CCDC152: variants seen among roughly 807,000 people sequenced by gnomAD.
The protein encoded by CCDC152 is coiled-coil domain containing 152.
A neutral mutation model predicts 38.1 loss-of-function variants in CCDC152; 37 were observed. That is an observed-to-expected ratio of 0.97 (90% CI 0.75 to 1.28). The LOEUF (loss-of-function observed/expected upper bound fraction) is 1.28, where lower values mean the gene tolerates loss of function less well. Among genes scored for constraint, CCDC152 ranks in the 50% most tolerant of loss-of-function variants. The pLI, the probability that CCDC152 is intolerant of heterozygous loss-of-function variation, is 0.00. For synonymous variants in CCDC152, 83 were observed against 87.1 expected, an observed-to-expected ratio of 0.95 and a Z score of 0.26; for missense variants, 259 against 292.1, an observed-to-expected ratio of 0.89 and a Z score of 0.83.
intron 3 of CCDC152, 21 bp downstream of exon 3, chr5:42,762,569 G>A (rs759533814): frequency 8.4e-7 from 1 of 1,193,174 alleles, no homozygotes; most frequent in South Asian, 1.3e-5. Flanking sequence ...TGCTGCCTGA[G>A]GAATGCTAAT....
chr5:42,761,117 CT>C (rs1380176025), intron 2 of CCDC152, among the ~76,000 whole-genome samples: 1 of 152,098 alleles, frequency 6.6e-6, no homozygotes, highest in Non-Finnish European at 1.5e-5. Flanking sequence ...TGATATAAGA[CT>C]GTTCATGAGT....
intron 6 of CCDC152, among the ~76,000 whole-genome samples, chr5:42,793,806 A>G (rs1329554871): frequency 6.6e-6 from 1 of 152,106 alleles, no homozygotes; most frequent in Admixed American, 6.6e-5. Context: ...ACAGGGTTTC[A>G]CCATGTTGGT....
Position 42,799,920 on chromosome 5 carries a change from G to A in CCDC152, c.*139G>A, listed in dbSNP as rs141459744. 1.0e-3 allele frequency: 938 copies of A among 931,416 alleles called. 2 individuals carry two copies. Among genetic ancestry groups the A allele is most frequent in the Middle Eastern group, 1.3e-3 (4 of 3,000 alleles). 57.7% of individuals were successfully genotyped at this position (931,416 alleles called of 1,614,324 possible). A position where few individuals can be genotyped will look rare whatever the true frequency, so the allele number is the denominator to read the frequency against. On this transcript the variant is annotated 3_prime_UTR_variant, in exon 9 of 9. Transcript: ENST00000361970. ...TTATTGAATTTATTTGGACAAATCCGTACTGTATCCAATTCTGTACTGCAT... is the reference window on the plus strand; with the variant it reads ...TTATTGAATTTATTTGGACAAATCCATACTGTATCCAATTCTGTACTGCAT...
chr5:42,761,309 G>A (rs1418251272), intron 2 of CCDC152, among the ~76,000 whole-genome samples: 1 of 152,176 alleles, frequency 6.6e-6, no homozygotes, highest in Non-Finnish European at 1.5e-5. Context: ...GAAACTGAAT[G>A]TAGCTGTTAA....
Position 42,779,523 on chromosome 5 carries a change from G to GTTCA in CCDC152, c.327+2_327+3insTCAT. The stretch of plus-strand genomic sequence containing the variant: ...AGAGAAGTTAAAGTCTCATGAACAG[G>GTTCA]TGAGTTTATGTATCATTCTATTCAG... On this transcript the variant is annotated splice_donor_variant, in intron 5 of 8. Coordinates refer to ENST00000361970, the MANE Select transcript of CCDC152 (RefSeq NM_001134848.2). LOFTEE classifies it high-confidence loss of function. The GTTCA allele has an allele frequency of 6.8e-7, 1 of 1,465,454 alleles. No homozygotes were observed. Among genetic ancestry groups the GTTCA allele is most frequent in the Non-Finnish European group, 9.4e-7 (1 of 1,069,488 alleles). 90.8% of individuals were successfully genotyped at this position (1,465,454 alleles called of 1,614,324 possible). A position where few individuals can be genotyped will look rare whatever the true frequency, so the allele number is the denominator to read the frequency against.
At chr5:42,797,984 TA>T (rs34406654) in intron 7 of CCDC152, among the ~76,000 whole-genome samples, 2 of 150,826 alleles carry the variant, frequency 1.3e-5, no homozygotes, top group Non-Finnish European at 3.0e-5. Flanking sequence ...CCGCCTGTAC[TA>T]AAAAAAAATT....
At chr5:42,762,598 C>A in intron 3 of CCDC152, 50 bp downstream of exon 3, 1 of 932,914 alleles carries the variant, frequency 1.1e-6, no homozygotes, top group South Asian at 1.4e-5. Flanking sequence ...AAGTGTTTTT[C>A]AGTTCAACAG....
rs757879518 is a variant in CCDC152 at position 42,783,458 on chromosome 5, A to G, written c.328-16A>G. The G allele has an allele frequency of 9.3e-7, 1 of 1,074,872 alleles. No individual in the cohort carries two copies. The highest frequency in any genetic ancestry group is 1.2e-6 in the Non-Finnish European group (1 of 837,246). The allele number at this position is 1,074,872 out of a possible 1,614,324, so 66.6% of individuals were successfully genotyped here. ...ATATTTAAATTTTAAAAATTAATAT[A>G]TATTTTAATCTTTAGGAATATAAGA... On this transcript the variant is annotated splice_polypyrimidine_tract_variant and intron_variant, in intron 5 of 8. Coordinates refer to ENST00000361970, the MANE Select transcript of CCDC152 (RefSeq NM_001134848.2).
intron 3 of CCDC152, among the ~76,000 whole-genome samples, chr5:42,763,690 C>T (rs1289216040): frequency 6.6e-6 from 1 of 152,134 alleles, no homozygotes; most frequent in African/African-American, 2.4e-5. Context: ...GAAAAATTCT[C>T]ATAGACATTA....
chr5:42,772,524 G>A (rs1271597047), intron 4 of CCDC152, among the ~76,000 whole-genome samples: 1 of 152,044 alleles, frequency 6.6e-6, no homozygotes. Flanking sequence ...GGTGGCACAT[G>A]CCTGTAATCC....
chr5:42,764,526 C>G (rs1164076356), intron 3 of CCDC152, among the ~76,000 whole-genome samples: 1 of 152,126 alleles, frequency 6.6e-6, no homozygotes, highest in East Asian at 1.9e-4. Flanking sequence ...TAAAAATCCT[C>G]AAAGTACTAG....
chr5:42,786,769 A>G (rs1370110977), intron 6 of CCDC152, among the ~76,000 whole-genome samples: 1 of 151,958 alleles, frequency 6.6e-6, no homozygotes, highest in Admixed American at 6.5e-5. Context: ...TGTCTTCCTC[A>G]GGTAGGCATT....
At chr5:42,778,256 T>G (rs981631940) in intron 4 of CCDC152, among the ~76,000 whole-genome samples, 2 of 152,166 alleles carry the variant, frequency 1.3e-5, no homozygotes, top group African/African-American at 4.8e-5. Flanking sequence ...ATATATTTGC[T>G]ACAACCACCT....
At position 42,786,651 on chromosome 5, in the gene CCDC152, T is replaced by G. The variant is rs547694123; in HGVS notation, c.430+3075T>G. ...TTGTTTTCATCTCATTTTCACTTAG[T>G]TCTTCTCTGATCTTTTGTTATTTCT... On this transcript the variant is annotated intron_variant, in intron 6 of 8. Coordinates refer to ENST00000361970, the MANE Select transcript of CCDC152 (RefSeq NM_001134848.2). 5.3e-5 allele frequency among the ~76,000 whole-genome samples: 8 copies of G among 152,172 alleles called. 1 individual carries two copies. In the South Asian group the frequency reaches 1.7e-3, roughly 32 times the overall value.
At position 42,799,383 on chromosome 5, in the gene CCDC152, C is replaced by T. The variant is rs762194579; in HGVS notation, c.567C>T (p.Ala189=). The change falls in exon 8 of 9, where the codon GCC becomes GCT. Residue 189 remains alanine (A), a synonymous_variant. Coordinates refer to ENST00000361970, the MANE Select transcript of CCDC152 (RefSeq NM_001134848.2). The stretch of plus-strand genomic sequence containing the variant: ...TTTTCAATTTGATTCAGTTTGATGC[C>T]AAACTAGCAAGAGTTCAGACTAAAT... ...EIIKLQLEFD[A]KLARVQTKSK... 154 of 1,526,134 alleles carry T rather than the reference C, an allele frequency of 1.0e-4. No individual in the cohort carries two copies. Among genetic ancestry groups the T allele is most frequent in the Non-Finnish European group, 1.2e-4 (134 of 1,132,914 alleles). 94.5% of individuals were successfully genotyped at this position (1,526,134 alleles called of 1,614,324 possible). A position where few individuals can be genotyped will look rare whatever the true frequency, so the allele number is the denominator to read the frequency against.
At chr5:42,777,237 A>G (rs961776555) in intron 4 of CCDC152, among the ~76,000 whole-genome samples, 4 of 152,096 alleles carry the variant, frequency 2.6e-5, no homozygotes, top group African/African-American at 7.2e-5. Context: ...TACAAATGTC[A>G]TGTTCATTAA....
chr5:42,773,651 AC>A (rs1759730020), intron 4 of CCDC152, among the ~76,000 whole-genome samples: 2 of 152,334 alleles, frequency 1.3e-5, no homozygotes, highest in Middle Eastern at 6.8e-3. Flanking sequence ...TATATTGAGG[AC>A]AATAATAATT....
In CCDC152 at chr5:42,781,296, ACCTG is replaced by A. The variant is rs1759840975; in HGVS notation, c.327+1777_327+1780del. 2.6e-5 allele frequency among the ~76,000 whole-genome samples: 4 copies of A among 152,148 alleles called. No individual in the cohort carries two copies. The South Asian group carries it at 6.2e-4, about 24-fold the overall frequency. ...ATTTGTGGGATTGCCAGCTGGGTTC[ACCTG>A]CCCAGTTTTAATTAGAACCGAGAAG... On this transcript the variant is annotated intron_variant, in intron 5 of 8. Coordinates refer to ENST00000361970, the MANE Select transcript of CCDC152 (RefSeq NM_001134848.2).
At chr5:42,763,435 A>G (rs1421990287) in intron 3 of CCDC152, among the ~76,000 whole-genome samples, 3 of 152,322 alleles carry the variant, frequency 2.0e-5, no homozygotes, top group Middle Eastern at 3.4e-3. Context: ...CACACTCATT[A>G]ATCGTGGGCT....
Sources: allele counts gnomAD v4.1 joint callset (sites outside exome capture counted in the v4.1 genomes callset), GRCh38; gene constraint gnomAD v4.1.1; transcripts MANE v1.5; gene names NCBI Gene and HGNC (gene_info 2026-07-23, HGNC 2026-07-21).